The following GABRB2 variants were observed in gnomAD, a reference collection of about 807,000 sequenced individuals.
GABRB2 encodes gamma-aminobutyric acid receptor subunit beta-2.
In GABRB2, 16 loss-of-function variants were observed where a neutral mutation model predicts 54.7. The ratio of observed to expected loss-of-function variants is 0.29; its 90% CI spans 0.20 to 0.44. The LOEUF (loss-of-function observed/expected upper bound fraction) is 0.44. Ranked by LOEUF, GABRB2 falls within the 20% of genes least tolerant of loss-of-function variation. GABRB2 has a pLI of 1.00. For missense variants in GABRB2, 355 were observed against 644.0 expected, an observed-to-expected ratio of 0.55 and a Z score of 4.86; for synonymous variants, 244 against 233.8, an observed-to-expected ratio of 1.04 and a Z score of -0.40.
At chr5:161,510,858 T>A (rs1353496259) in intron 3 of GABRB2, among the ~76,000 whole-genome samples, 1 of 151,992 alleles carries the variant, frequency 6.6e-6, no homozygotes, top group Non-Finnish European at 1.5e-5. Context: ...CCCATGAGGA[T>A]TTGTATATCT....
intron 3 of GABRB2, among the ~76,000 whole-genome samples, chr5:161,529,500 T>C (rs1054467385): frequency 3.3e-5 from 5 of 152,040 alleles, no homozygotes; most frequent in Admixed American, 6.6e-5. Flanking sequence ...AGGAGGTTTG[T>C]ATTGTCTTGG....
chr5:161,338,782 C>A (rs887607837), intron 5 of GABRB2, among the ~76,000 whole-genome samples: 18 of 151,946 alleles, frequency 1.2e-4, no homozygotes, highest in East Asian at 3.9e-4. Context: ...CTAGACTCTG[C>A]CTCTAAAAAA....
intron 7 of GABRB2, among the ~76,000 whole-genome samples, chr5:161,333,965 T>G (rs1753921917): frequency 6.6e-6 from 1 of 152,252 alleles, no homozygotes; most frequent in Admixed American, 6.5e-5. Context: ...TAGATATAAC[T>G]TTCAGAAGAC....
At chr5:161,414,364 T>C (rs889828062) in intron 4 of GABRB2, among the ~76,000 whole-genome samples, 6 of 152,206 alleles carry the variant, frequency 3.9e-5, no homozygotes, top group Non-Finnish European at 8.8e-5. Context: ...GTTATGCAAC[T>C]TTTTTTATAG....
intron 4 of GABRB2, among the ~76,000 whole-genome samples, chr5:161,427,479 G>A (rs1352984635): frequency 1.3e-5 from 2 of 152,086 alleles, no homozygotes; most frequent in African/African-American, 4.8e-5. Flanking sequence ...TGGAGGCAGG[G>A]CCTACCAATG....
At chr5:161,384,192 G>A (rs976125276) in intron 5 of GABRB2, among the ~76,000 whole-genome samples, 2 of 152,202 alleles carry the variant, frequency 1.3e-5, no homozygotes, top group Non-Finnish European at 2.9e-5. Context: ...AAAAAGATAT[G>A]TGGTCAATTA....
chr5:161,336,993 T>C (rs1355145369), intron 5 of GABRB2, among the ~76,000 whole-genome samples: 1 of 152,140 alleles, frequency 6.6e-6, no homozygotes, highest in African/African-American at 2.4e-5. Flanking sequence ...TAGGCCCATA[T>C]TAGACTTACA....
intron 5 of GABRB2, among the ~76,000 whole-genome samples, chr5:161,385,972 G>A (rs950955762): frequency 4.0e-5 from 6 of 151,198 alleles, no homozygotes; most frequent in Admixed American, 6.6e-5. Flanking sequence ...GTGTGTGTGT[G>A]TGTGTGTGTG....
At chr5:161,494,023 TACAA>T (rs1561670699) in intron 3 of GABRB2, among the ~76,000 whole-genome samples, 2 of 151,866 alleles carry the variant, frequency 1.3e-5, no homozygotes, top group African/African-American at 4.8e-5. Context: ...AACAAATACA[TACAA>T]TTTTTGTCAA....
At chr5:161,331,665 G>A (rs534675908) in intron 7 of GABRB2, among the ~76,000 whole-genome samples, 2 of 152,232 alleles carry the variant, frequency 1.3e-5, no homozygotes, top group East Asian at 3.9e-4. Context: ...AAAAATCATT[G>A]TGGGTACATT....
At chr5:161,318,789 A>C (rs945850015) in intron 9 of GABRB2, among the ~76,000 whole-genome samples, 4 of 152,036 alleles carry the variant, frequency 2.6e-5, no homozygotes, top group Non-Finnish European at 4.4e-5. Context: ...CATTACACAA[A>C]GCTCATAGAA....
chr5:161,538,603 C>T (rs992121469), intron 3 of GABRB2, among the ~76,000 whole-genome samples: 5 of 152,196 alleles, frequency 3.3e-5, no homozygotes, highest in Non-Finnish European at 7.3e-5. Context: ...GTGGGGAAAT[C>T]GCTTGAGCTC....
At chr5:161,492,863 T>C (rs1759123810) in intron 3 of GABRB2, among the ~76,000 whole-genome samples, 1 of 151,798 alleles carries the variant, frequency 6.6e-6, no homozygotes, top group Non-Finnish European at 1.5e-5. Context: ...TTTACTTTAC[T>C]CTTTTTATTT....
chr5:161,317,067 G>C (rs1388798915), intron 9 of GABRB2, among the ~76,000 whole-genome samples: 1 of 151,984 alleles, frequency 6.6e-6, no homozygotes, highest in Non-Finnish European at 1.5e-5. Context: ...GCAGGTGTGT[G>C]TGTGTGCGTG....
intron 3 of GABRB2, among the ~76,000 whole-genome samples, chr5:161,504,933 C>T (rs1759559015): frequency 6.6e-6 from 1 of 151,940 alleles, no homozygotes; most frequent in Admixed American, 6.6e-5. Flanking sequence ...AGGCCAATAA[C>T]TATGAAATAT....
At chr5:161,503,983 A>C (rs979066324) in intron 3 of GABRB2, among the ~76,000 whole-genome samples, 2 of 152,208 alleles carry the variant, frequency 1.3e-5, no homozygotes, top group Non-Finnish European at 2.9e-5. Flanking sequence ...AATGACAAAA[A>C]CATCAATACA....
chr5:161,479,865 G>T (rs566310748), intron 3 of GABRB2, among the ~76,000 whole-genome samples: 51 of 152,126 alleles, frequency 3.4e-4, no homozygotes, highest in Non-Finnish European at 6.3e-4. Context: ...TGGGATTACA[G>T]GTGTGAGTCA....
chr5:161,290,439 A>G lies in GABRB2; in HGVS notation c.*3642T>C, dbSNP rs1757205643. ...TACTATTGTCGAGTTGAACTGTGCA[A>G]TGGTTCATAAAAACTGTAGGCATTG... On this transcript the variant is annotated 3_prime_UTR_variant, in exon 10 of 10. Transcript: ENST00000393959. 1 of 152,566 alleles carries G rather than the reference A, an allele frequency of 6.6e-6. No homozygotes were observed. Among genetic ancestry groups the G allele is most frequent in the Admixed American group, 6.6e-5 (1 of 15,252 alleles). The allele number at this position is 152,566 out of a possible 1,614,324, so 9.5% of individuals were successfully genotyped here.
intron 5 of GABRB2, among the ~76,000 whole-genome samples, chr5:161,405,292 C>A (rs534997974): frequency 2.0e-5 from 3 of 152,084 alleles, no homozygotes; most frequent in South Asian, 2.1e-4. Flanking sequence ...TGCTACATAT[C>A]CCTCTTAAAA....
Sources: allele counts gnomAD v4.1 joint callset (sites outside exome capture counted in the v4.1 genomes callset), GRCh38; gene constraint gnomAD v4.1.1; transcripts MANE v1.5; gene names NCBI Gene and HGNC (gene_info 2026-07-23, HGNC 2026-07-21).